The following SLC16A4 variants were observed in gnomAD, a reference collection of about 807,000 sequenced individuals.
The protein encoded by SLC16A4 is probable monocarboxylate transporter 5.
A neutral mutation model predicts 47.9 loss-of-function variants in SLC16A4; 39 were observed. The ratio of observed to expected loss-of-function variants is 0.81; its 90% CI spans 0.63 to 1.06. The LOEUF is 1.06. Ranked by LOEUF, SLC16A4 falls within the 50% of genes least tolerant of loss-of-function variation. The probability of loss-of-function intolerance (pLI) is 0.00; values close to 1 mark genes in which losing one functional copy is unlikely to be tolerated. For synonymous variants in SLC16A4, 189 were observed against 199.9 expected, an observed-to-expected ratio of 0.95 and a Z score of 0.46; for missense variants, 524 against 573.8, an observed-to-expected ratio of 0.91 and a Z score of 0.89.
chr1:110,364,203 A>G (rs972905994), intron 8 of SLC16A4, among the ~76,000 whole-genome samples: 2 of 152,174 alleles, frequency 1.3e-5, no homozygotes, highest in Non-Finnish European at 2.9e-5. Context: ...TTTTCCAGAG[A>G]AAAAAAGAAG....
At chr1:110,366,166 T>G (rs1661380359) in intron 8 of SLC16A4, among the ~76,000 whole-genome samples, 1 of 151,746 alleles carries the variant, frequency 6.6e-6, no homozygotes. Flanking sequence ...TCACTTTTTT[T>G]TTTGTTTTTT....
In SLC16A4 at chr1:110,381,160, A is replaced by G. The variant is rs1450540229; in HGVS notation, c.365-17T>C. 5.0e-6 allele frequency: 8 copies of G among 1,611,060 alleles called. No individual in the cohort carries two copies. In the Admixed American group the frequency reaches 5.0e-5, roughly 10 times the overall value. On this transcript the variant is annotated splice_polypyrimidine_tract_variant and intron_variant, in intron 4 of 8. Transcript: ENST00000369779. ...AACCCAAACCTAAAAGAAAAACGTA[A>G]TAGTTTAGAATCACTCTTACATTAA...
chr1:110,379,740 A>G (rs1158625377), intron 5 of SLC16A4: 1 of 163,756 alleles, frequency 6.1e-6, no homozygotes, highest in African/African-American at 2.4e-5. Context: ...GATGAAAGAA[A>G]TCATTTGGAA....
At chr1:110,378,362 C>T (rs939416686) in intron 6 of SLC16A4, among the ~76,000 whole-genome samples, 4 of 152,120 alleles carry the variant, frequency 2.6e-5, no homozygotes, top group Admixed American at 2.0e-4. Context: ...TACTATTATC[C>T]CTATATTACA....
chr1:110,387,145 T>C (rs1336209143), intron 2 of SLC16A4, among the ~76,000 whole-genome samples: 1 of 152,192 alleles, frequency 6.6e-6, no homozygotes, highest in East Asian at 1.9e-4. Flanking sequence ...CATCTATCCA[T>C]CCACCAACAG....
At chr1:110,381,576 C>T in intron 4 of SLC16A4, 76 bp downstream of exon 4, 1 of 1,481,286 alleles carries the variant, frequency 6.8e-7, no homozygotes, top group Non-Finnish European at 9.1e-7. Context: ...CCACTTTGGC[C>T]TCCCAAAGTG....
rs57148886 is a variant in SLC16A4, at chr1:110,363,625, C to CAAA, written c.*138_*140dup. 1,959 of 485,768 alleles carry CAAA rather than the reference C, an allele frequency of 4.0e-3. No individual in the cohort carries two copies. Among genetic ancestry groups the CAAA allele is most frequent in the Middle Eastern group, 4.8e-3 (7 of 1,466 alleles). The allele number at this position is 485,768 out of a possible 1,614,324, so 30.1% of individuals were successfully genotyped here. A position where few individuals can be genotyped will look rare whatever the true frequency, so the allele number is the denominator to read the frequency against. On this transcript the variant is annotated 3_prime_UTR_variant, in exon 9 of 9. Coordinates refer to ENST00000369779, the MANE Select transcript of SLC16A4 (RefSeq NM_004696.3). ...TGGGCGAAAGAGCGAGACTCCGTCTCAAAAAAAAAAAAAAAAAAATTGTTT... is the reference window on the plus strand; with the variant it reads ...TGGGCGAAAGAGCGAGACTCCGTCTCAAAAAAAAAAAAAAAAAAAAAATTGTTT...
chr1:110,363,670 G>T lies in SLC16A4; in HGVS notation c.*96C>A, dbSNP rs147180744. The T allele has an allele frequency of 2.3e-5, 23 of 1,012,982 alleles. No individual in the cohort carries two copies. The highest frequency in any genetic ancestry group is 2.9e-5 in the Non-Finnish European group (21 of 715,886). 62.7% of individuals were successfully genotyped at this position (1,012,982 alleles called of 1,614,324 possible). ...TTGTTTTCCTTCTCATGTTACAAAT[G>T]TAGATGCGATGTGTTTCTTTCAAGC... is the stretch of plus-strand genomic sequence containing the variant. On this transcript the variant is annotated 3_prime_UTR_variant, in exon 9 of 9. Transcript: ENST00000369779.
At chr1:110,390,838 C>G (rs1056761449) in intron 1 of SLC16A4, 27 bp downstream of exon 1, 4 of 152,188 alleles carry the variant, frequency 2.6e-5, no homozygotes, top group African/African-American at 9.6e-5. Flanking sequence ...AAAACCAACC[C>G]AGCACACAGT....
chr1:110,365,749 G>A (rs115344802), intron 8 of SLC16A4, among the ~76,000 whole-genome samples: 1 of 152,112 alleles, frequency 6.6e-6, no homozygotes, highest in Non-Finnish European at 1.5e-5. Flanking sequence ...ATGTATTAGA[G>A]TGTATGTGTC....
chr1:110,368,027 A>ACCATGTTAGCCAGGATGGTCTCGATCT (rs1661488227), intron 8 of SLC16A4, among the ~76,000 whole-genome samples: 1 of 151,982 alleles, frequency 6.6e-6, no homozygotes, highest in Non-Finnish European at 1.5e-5. Flanking sequence ...ACAGGGTTTC[A>ACCATGTTAGCCAGGATGGTCTCGATCT]CCATGTTAGC....
chr1:110,380,096 G>T (rs943497279), intron 5 of SLC16A4, among the ~76,000 whole-genome samples: 2 of 135,382 alleles, frequency 1.5e-5, no homozygotes, highest in African/African-American at 5.5e-5. Context: ...AGGAAGGCAT[G>T]GATAGCCTTT....
chr1:110,381,780 A>G lies in SLC16A4; in HGVS notation c.236T>C (p.Ile79Thr), dbSNP rs1479151373. The G allele has an allele frequency of 3.1e-6, 5 of 1,613,112 alleles. No homozygotes were observed. In the South Asian group the frequency reaches 4.4e-5, roughly 14 times the overall value. ...TTTCTCTCCAAGTATGTCACAAATA[A>G]TAGCAACCAGGGGACCTTAAGAGAA... ...LRFCAGPLVAIICDILGEKTT... is the reference protein window; with the variant it reads ...LRFCAGPLVATICDILGEKTT... Residue 79 changes from isoleucine to threonine, a missense_variant, in exon 4 of 9, where the codon ATT (isoleucine) becomes ACT (threonine). Coordinates refer to ENST00000369779, the MANE Select transcript of SLC16A4 (RefSeq NM_004696.3).
chr1:110,383,505 G>T (rs919851203), intron 2 of SLC16A4, among the ~76,000 whole-genome samples: 1 of 152,068 alleles, frequency 6.6e-6, no homozygotes, highest in Non-Finnish European at 1.5e-5. Context: ...GTCACTTCTG[G>T]GTGGAAGGGT....
In SLC16A4 at chr1:110,363,061, T is replaced by C. The variant is rs11120; in HGVS notation, c.*705A>G. Reference sequence around the variant, plus strand: ...CCAGTCACTAAGTAAGGTTTTAATATTCAGATTCCAGAATTCTGATCAATC... The same window carrying C: ...CCAGTCACTAAGTAAGGTTTTAATACTCAGATTCCAGAATTCTGATCAATC... On this transcript the variant is annotated 3_prime_UTR_variant, in exon 9 of 9. Coordinates refer to ENST00000369779, the MANE Select transcript of SLC16A4 (RefSeq NM_004696.3). 23,915 of 152,220 alleles carry C rather than the reference T, an allele frequency of 0.16. 2,227 individuals are homozygous for C. Among genetic ancestry groups the C allele is most frequent in the South Asian group, 0.28 (1,336 of 4,824 alleles). 9.4% of individuals were successfully genotyped at this position (152,220 alleles called of 1,614,324 possible).
At chr1:110,390,418 T>A (rs1388028077) in intron 1 of SLC16A4, among the ~76,000 whole-genome samples, 1 of 152,194 alleles carries the variant, frequency 6.6e-6, no homozygotes, top group East Asian at 1.9e-4. Context: ...GATACCCGCT[T>A]ATTGAATATA....
chr1:110,390,001 T>G (rs1224137669), intron 1 of SLC16A4, among the ~76,000 whole-genome samples: 1 of 152,194 alleles, frequency 6.6e-6, no homozygotes, highest in African/African-American at 2.4e-5. Flanking sequence ...ACAATATGCC[T>G]TTGTAACAAA....
At chr1:110,386,447 T>A (rs1662739704) in intron 2 of SLC16A4, among the ~76,000 whole-genome samples, 1 of 152,202 alleles carries the variant, frequency 6.6e-6, no homozygotes, top group Admixed American at 6.5e-5. Context: ...AGAGTCCACG[T>A]CATACATTGT....
chr1:110,389,665 A>G, intron 1 of SLC16A4, among the ~76,000 whole-genome samples: 1 of 152,242 alleles, frequency 6.6e-6, no homozygotes, highest in Non-Finnish European at 1.5e-5. Context: ...GCTCATCAAC[A>G]GTGGGTTGGA....
Sources: allele counts gnomAD v4.1 joint callset (sites outside exome capture counted in the v4.1 genomes callset), GRCh38; gene constraint gnomAD v4.1.1; transcripts MANE v1.5; gene names NCBI Gene and HGNC (gene_info 2026-07-23, HGNC 2026-07-21).